Variants in ZNF804A observed in about 807,000 individuals in gnomAD.
ZNF804A encodes zinc finger protein 804A.
A neutral mutation model predicts 16.5 loss-of-function variants in ZNF804A; 2 were observed. The ratio of observed to expected loss-of-function variants is 0.12; its 90% CI spans 0.05 to 0.38. The LOEUF (loss-of-function observed/expected upper bound fraction) is 0.38, where lower values mean the gene tolerates loss of function less well. ZNF804A is among the 10% of genes least tolerant of loss of function. The pLI, the probability that ZNF804A is intolerant of heterozygous loss-of-function variation, is 0.99. For missense variants in ZNF804A, 1,473 were observed against 1,390.7 expected (o/e 1.06, Z -0.94); for synonymous variants, 534 against 489.6 (o/e 1.09, Z -1.20).
At chr2:184,767,471 G>A (rs1395894894) in intron 1 of ZNF804A, among the ~76,000 whole-genome samples, 4 of 152,074 alleles carry the variant, frequency 2.6e-5, no homozygotes, top group Non-Finnish European at 4.4e-5. Context: ...GTTGTTTAAT[G>A]GGTATAGAGT....
intron 1 of ZNF804A, among the ~76,000 whole-genome samples, chr2:184,738,152 G>C (rs1364840503): frequency 6.7e-6 from 1 of 149,736 alleles, no homozygotes; most frequent in African/African-American, 2.5e-5. Context: ...GAAAATATCA[G>C]ATCTAAGGAG....
chr2:184,723,412 T>A (rs553335343), intron 1 of ZNF804A, among the ~76,000 whole-genome samples: 5 of 151,894 alleles, frequency 3.3e-5, no homozygotes, highest in Admixed American at 2.6e-4. Flanking sequence ...TAATTTTTTT[T>A]AAATTGGGAG....
chr2:184,719,515 TA>T (rs1204574944), intron 1 of ZNF804A, among the ~76,000 whole-genome samples: 1 of 152,166 alleles, frequency 6.6e-6, no homozygotes, highest in Non-Finnish European at 1.5e-5. Flanking sequence ...CCTTCCCTTA[TA>T]AACCTGAATG....
chr2:184,837,152 A>T (rs1558977465), intron 1 of ZNF804A, among the ~76,000 whole-genome samples: 1 of 151,972 alleles, frequency 6.6e-6, no homozygotes, highest in East Asian at 1.9e-4. Context: ...TTATATTACT[A>T]GGTGGACAGC....
intron 1 of ZNF804A, among the ~76,000 whole-genome samples, chr2:184,829,151 A>T (rs1403808422): frequency 2.0e-5 from 3 of 151,686 alleles, no homozygotes; most frequent in Admixed American, 2.0e-4. Context: ...ACATAATCTA[A>T]ATCTAAATGC....
chr2:184,909,769 A>G (rs2105831186), intron 2 of ZNF804A, among the ~76,000 whole-genome samples: 1 of 152,092 alleles, frequency 6.6e-6, no homozygotes, highest in South Asian at 2.1e-4. Context: ...AAAGAAACTG[A>G]TATTTAATAA....
chr2:184,789,526 C>A (rs72903738), intron 1 of ZNF804A, among the ~76,000 whole-genome samples: 7,631 of 151,752 alleles, frequency 0.05, 253 homozygotes, highest in Middle Eastern at 0.079. Context: ...TGCTATTGAT[C>A]TGTTCAATGT....
intron 1 of ZNF804A, among the ~76,000 whole-genome samples, chr2:184,747,321 C>CAAAAA (rs397986917): frequency 6.8e-4 from 53 of 77,826 alleles, no homozygotes; most frequent in South Asian, 1.1e-3. Context: ...AATCTTGCTG[C>CAAAAA]AAAAAAAAAA....
At chr2:184,769,011 T>C (rs1694171158) in intron 1 of ZNF804A, among the ~76,000 whole-genome samples, 1 of 152,126 alleles carries the variant, frequency 6.6e-6, no homozygotes, top group Admixed American at 6.6e-5. Flanking sequence ...CTATGTTTGA[T>C]GTATCAGATT....
At chr2:184,780,697 T>G (rs1694359073) in intron 1 of ZNF804A, among the ~76,000 whole-genome samples, 1 of 151,774 alleles carries the variant, frequency 6.6e-6, no homozygotes, top group African/African-American at 2.4e-5. Flanking sequence ...CTTTTTTATC[T>G]TGGAGAAATT....
At chr2:184,697,731 T>C (rs915041418) in intron 1 of ZNF804A, among the ~76,000 whole-genome samples, 16 of 152,122 alleles carry the variant, frequency 1.1e-4, no homozygotes, top group African/African-American at 3.9e-4. Context: ...ACACACAAAA[T>C]CAAGCACTTG....
At chr2:184,861,239 T>C (rs974755607) in intron 1 of ZNF804A, among the ~76,000 whole-genome samples, 3 of 152,182 alleles carry the variant, frequency 2.0e-5, no homozygotes, top group Admixed American at 2.0e-4. Context: ...CTCCATGCTT[T>C]CTTGCTTGGA....
chr2:184,937,766 T>C lies in ZNF804A; in HGVS notation c.2370T>C (p.His790=). The C allele has an allele frequency of 6.2e-7, 1 of 1,614,018 alleles. No individual in the cohort carries two copies. Among genetic ancestry groups the C allele is most frequent in the East Asian group, 2.2e-5 (1 of 44,858 alleles). ...ATGAAAGTTTAAATCGACAGAATCA[T>C]TTACCAGAAGAATTTTTGAGGCCAC... ...SSDESLNRQN[H]LPEEFLRPPS... Residue 790 remains histidine, a synonymous_variant, in exon 4 of 4, where the codon CAT becomes CAC. Transcript: ENST00000302277.
In ZNF804A at chr2:184,938,119, C is replaced by T. The variant is rs1685824644; in HGVS notation, c.2723C>T (p.Ser908Leu). Residue 908 changes from serine to leucine, a missense_variant, in exon 4 of 4, where the codon TCA becomes TTA. Transcript: ENST00000302277. ...LEMETTSGEL[S>L]DVSNDPTTSV... ...ATGGAGACCACTTCTGGTGAATTGTCAGATGTTTCCAATGATCCCACCACA... is the reference window on the plus strand; with the variant it reads ...ATGGAGACCACTTCTGGTGAATTGTTAGATGTTTCCAATGATCCCACCACA... 6.2e-7 allele frequency: 1 copy of T among 1,613,944 alleles called. No homozygotes were observed.
intron 1 of ZNF804A, among the ~76,000 whole-genome samples, chr2:184,859,745 T>C (rs1191185345): frequency 6.6e-5 from 10 of 152,246 alleles, no homozygotes; most frequent in Admixed American, 6.5e-4. Flanking sequence ...TGGGAAACCC[T>C]ACTTCAGTCA....
intron 2 of ZNF804A, among the ~76,000 whole-genome samples, chr2:184,920,512 C>G (rs780524712): frequency 1.8e-4 from 28 of 152,130 alleles, no homozygotes; most frequent in Non-Finnish European, 2.8e-4. Flanking sequence ...TAAAGTGCTT[C>G]CCAATGAGTC....
At chr2:184,672,660 A>C (rs1692354566) in intron 1 of ZNF804A, among the ~76,000 whole-genome samples, 1 of 152,144 alleles carries the variant, frequency 6.6e-6, no homozygotes, top group African/African-American at 2.4e-5. Context: ...TTTTGTGAGA[A>C]CAAGAATGAC....
chr2:184,741,864 TTC>T (rs1312482932), intron 1 of ZNF804A, among the ~76,000 whole-genome samples: 2 of 152,120 alleles, frequency 1.3e-5, no homozygotes, highest in African/African-American at 4.8e-5. Context: ...TCTTAATAGT[TTC>T]TGTTTCAGTG....
intron 2 of ZNF804A, among the ~76,000 whole-genome samples, chr2:184,887,545 A>G (rs1684913086): frequency 6.6e-6 from 1 of 152,212 alleles, no homozygotes; most frequent in Admixed American, 6.5e-5. Context: ...GAAGGAAAAG[A>G]GGTTTAGTTG....
Sources: allele counts gnomAD v4.1 joint callset (sites outside exome capture counted in the v4.1 genomes callset), GRCh38; gene constraint gnomAD v4.1.1; transcripts MANE v1.5; gene names NCBI Gene and HGNC (gene_info 2026-07-23, HGNC 2026-07-21).